The following BMPR1A variants were observed in gnomAD, a reference collection of about 807,000 sequenced individuals.
BMPR1A encodes bone morphogenetic protein receptor type 1A.
A neutral mutation model predicts 66.0 loss-of-function variants in BMPR1A; 7 were observed. The ratio of observed to expected loss-of-function variants is 0.11; its 90% CI spans 0.06 to 0.20. The LOEUF (loss-of-function observed/expected upper bound fraction) is 0.20. BMPR1A is among the 10% of genes least tolerant of loss of function. The pLI, the probability that BMPR1A is intolerant of heterozygous loss-of-function variation, is 1.00. For missense variants in BMPR1A, 408 were observed against 669.1 expected (o/e 0.61, Z 4.31); for synonymous variants, 200 against 229.7 (o/e 0.87, Z 1.17).
At chr10:86,857,700 G>T (rs1408459595) in intron 2 of BMPR1A, among the ~76,000 whole-genome samples, 1 of 149,174 alleles carries the variant, frequency 6.7e-6, no homozygotes, top group African/African-American at 2.5e-5. Context: ...CTTCCCATAG[G>T]CTCGAGTATC....
At chr10:86,853,601 G>A (rs1256457342) in intron 2 of BMPR1A, among the ~76,000 whole-genome samples, 5 of 151,954 alleles carry the variant, frequency 3.3e-5, no homozygotes, top group Non-Finnish European at 5.9e-5. Context: ...TTTTCCGTAA[G>A]TGTTGGCTGG....
At chr10:86,904,014 G>A (rs138287389) in intron 7 of BMPR1A, among the ~76,000 whole-genome samples, 5 of 152,174 alleles carry the variant, frequency 3.3e-5, no homozygotes, top group East Asian at 1.9e-4. Flanking sequence ...AGCGATTCTC[G>A]TGCTTCAGCT....
chr10:86,911,146 C>T lies in BMPR1A; in HGVS notation c.531-1094C>T, dbSNP rs954764396. On this transcript the variant is annotated intron_variant, in intron 7 of 12. Transcript: ENST00000372037. ...CTCTAGCCTGGGTGACAGAGTGAGA[C>T]CCTGTCTCAAAAAAAAAAAAAAAAA... Among the ~76,000 whole-genome samples the T allele has an allele frequency of 1.0e-4, 14 of 137,530 alleles. No individual in the cohort carries two copies. In the South Asian group the frequency reaches 2.2e-3, roughly 21 times the overall value. The allele number at this position is 137,530 out of a possible 152,430, so 90.2% of individuals were successfully genotyped here.
chr10:86,845,618 G>A (rs796409851), intron 2 of BMPR1A, among the ~76,000 whole-genome samples: 7 of 152,288 alleles, frequency 4.6e-5, no homozygotes, highest in African/African-American at 1.7e-4. Flanking sequence ...GCTGTGGTCT[G>A]CCCCTTTTAC....
chr10:86,901,847 G>A (rs2133469095), intron 7 of BMPR1A, among the ~76,000 whole-genome samples: 1 of 152,034 alleles, frequency 6.6e-6, no homozygotes, highest in South Asian at 2.1e-4. Flanking sequence ...CAAGGGCACT[G>A]TAATGTATAT....
intron 1 of BMPR1A, among the ~76,000 whole-genome samples, chr10:86,817,095 A>T (rs1842045426): frequency 6.6e-6 from 1 of 152,140 alleles, no homozygotes; most frequent in Non-Finnish European, 1.5e-5. Flanking sequence ...ACATACCCCA[A>T]ATTTATCATT....
intron 2 of BMPR1A, among the ~76,000 whole-genome samples, chr10:86,875,256 C>G (rs1842906611): frequency 6.6e-6 from 1 of 151,784 alleles, no homozygotes; most frequent in African/African-American, 2.4e-5. Context: ...ACCTGTAATC[C>G]CAGCTACTCA....
chr10:86,920,894 T>G (rs1386676885), intron 10 of BMPR1A, among the ~76,000 whole-genome samples: 1 of 150,170 alleles, frequency 6.7e-6, no homozygotes, highest in Non-Finnish European at 1.5e-5. Flanking sequence ...CTCACTCTGT[T>G]GCCCAGGCTG....
intron 3 of BMPR1A, among the ~76,000 whole-genome samples, chr10:86,881,154 T>G (rs1278818377): frequency 6.6e-6 from 1 of 152,010 alleles, no homozygotes; most frequent in Non-Finnish European, 1.5e-5. Flanking sequence ...GGCGGGAGAA[T>G]CACTTGAGCC....
intron 1 of BMPR1A, among the ~76,000 whole-genome samples, chr10:86,794,100 AC>A (rs1182972374): frequency 2.6e-5 from 4 of 152,202 alleles, no homozygotes; most frequent in Non-Finnish European, 5.9e-5. Flanking sequence ...CCTTAGTCAC[AC>A]ATCTGCAAAG....
intron 2 of BMPR1A, among the ~76,000 whole-genome samples, chr10:86,866,221 C>CT (rs567037609): frequency 0.023 from 2,902 of 123,960 alleles, 71 homozygotes; most frequent in African/African-American, 0.064. Context: ...GAAGAGGGAG[C>CT]TTTTTTTTTT....
chr10:86,784,999 C>T (rs1172880136), intron 1 of BMPR1A, among the ~76,000 whole-genome samples: 1 of 152,010 alleles, frequency 6.6e-6, no homozygotes, highest in African/African-American at 2.4e-5. Context: ...CACGGCTTTT[C>T]TGTATCCCTT....
intron 7 of BMPR1A, among the ~76,000 whole-genome samples, chr10:86,906,447 C>CCAATTATACATATTTTAGATTATTT (rs1843389280): frequency 0.014 from 568 of 42,056 alleles, 29 homozygotes; most frequent in East Asian, 0.054. Flanking sequence ...TGGCTGGGCG[C>CCAATTATACATATTTTAGATTATTT]GGTGGCTCAC....
chr10:86,910,918 C>T (rs1354519785), intron 7 of BMPR1A, among the ~76,000 whole-genome samples: 1 of 151,972 alleles, frequency 6.6e-6, no homozygotes, highest in Non-Finnish European at 1.5e-5. Flanking sequence ...ATCTCGAACT[C>T]CTGTGGTCAA....
chr10:86,911,761 A>G (rs1017629080), intron 7 of BMPR1A, among the ~76,000 whole-genome samples: 1 of 152,026 alleles, frequency 6.6e-6, no homozygotes, highest in Admixed American at 6.6e-5. Context: ...AAAAATAAGT[A>G]TTTGTTAAAA....
intron 2 of BMPR1A, among the ~76,000 whole-genome samples, chr10:86,854,027 C>T (rs1842607779): frequency 6.6e-6 from 1 of 152,134 alleles, no homozygotes; most frequent in Non-Finnish European, 1.5e-5. Flanking sequence ...TATTTCATCC[C>T]TACAGTCTCG....
rs1589294148 is a variant in BMPR1A, at chr10:86,924,918, C to T, written c.*1199C>T. The T allele has an allele frequency of 8.6e-6, 2 of 231,966 alleles. No individual in the cohort carries two copies. Among genetic ancestry groups the T allele is most frequent in the Admixed American group, 5.6e-5 (1 of 17,754 alleles). The allele number at this position is 231,966 out of a possible 1,614,324, so 14.4% of individuals were successfully genotyped here. On this transcript the variant is annotated 3_prime_UTR_variant, in exon 13 of 13. Transcript: ENST00000372037. ...ATCAAATCCAGGACTTTGTTAACTT[C>T]AGGTAAAAACTTCATTAGGGTAATA... is the stretch of plus-strand genomic sequence containing the variant.
chr10:86,919,588 A>G, intron 10 of BMPR1A, 119 bp downstream of exon 10: 1 of 1,349,098 alleles, frequency 7.4e-7, no homozygotes, highest in South Asian at 1.3e-5. Flanking sequence ...TTAGTTACAT[A>G]AATGTATAGT....
intron 1 of BMPR1A, among the ~76,000 whole-genome samples, chr10:86,783,359 A>G (rs774412907): frequency 1.2e-4 from 18 of 152,184 alleles, no homozygotes; most frequent in Non-Finnish European, 1.8e-4. Flanking sequence ...TGATTTCAGG[A>G]TGGCTTTTTC....
Sources: allele counts gnomAD v4.1 joint callset (sites outside exome capture counted in the v4.1 genomes callset), GRCh38; gene constraint gnomAD v4.1.1; transcripts MANE v1.5; gene names NCBI Gene and HGNC (gene_info 2026-07-23, HGNC 2026-07-21).